Variants in WDR7 observed in about 807,000 individuals in gnomAD.
WDR7 encodes the protein WD repeat domain 7.
A neutral mutation model predicts 169.4 loss-of-function variants in WDR7; 46 were observed. The ratio of observed to expected loss-of-function variants is 0.27; its 90% CI spans 0.21 to 0.35. The LOEUF (loss-of-function observed/expected upper bound fraction) is 0.35. Among genes scored for constraint, WDR7 ranks in the 10% least tolerant of loss-of-function variants. The pLI, the probability that WDR7 is intolerant of heterozygous loss-of-function variation, is 1.00. For synonymous variants in WDR7, 612 were observed against 666.8 expected (o/e 0.92, Z 1.27); for missense variants, 1,534 against 1,859.3 (o/e 0.83, Z 3.22).
chr18:56,976,942 T>G (rs2047575141), intron 26 of WDR7, among the ~76,000 whole-genome samples: 1 of 152,138 alleles, frequency 6.6e-6, no homozygotes, highest in Non-Finnish European at 1.5e-5. Flanking sequence ...CTGAGACAAG[T>G]CAACAGGAAA....
chr18:56,873,116 T>G (rs534235862), intron 20 of WDR7, among the ~76,000 whole-genome samples: 40 of 152,306 alleles, frequency 2.6e-4, no homozygotes, highest in African/African-American at 8.9e-4. Flanking sequence ...ACTCCTTTCC[T>G]TGTTCTTTTT....
Position 57,020,833 on chromosome 18 carries a change from A to G in WDR7, c.4253A>G (p.His1418Arg). 4 of 1,614,178 alleles carry G rather than the reference A, an allele frequency of 2.5e-6. No individual in the cohort carries two copies. The highest frequency in any genetic ancestry group is 2.5e-6 in the Non-Finnish European group (3 of 1,180,012). Reference protein sequence around the residue: ...YLATYSNTDSHISFWQMNTSL... With the variant: ...YLATYSNTDSRISFWQMNTSL... Reference sequence around the variant, plus strand: ...GCCACCTACTCAAACACTGACAGCCACATTTCTTTTTGGCAGGTAAGAGTA... The same window carrying G: ...GCCACCTACTCAAACACTGACAGCCGCATTTCTTTTTGGCAGGTAAGAGTA... The change falls in exon 27 of 28, where the codon CAC becomes CGC. Residue 1418 changes from histidine to arginine, a missense_variant. His to Arg is a conservative substitution (Grantham distance 29). Coordinates refer to ENST00000254442, the MANE Select transcript of WDR7 (RefSeq NM_015285.3).
rs951302714 is a variant in WDR7, at chr18:56,651,592, A to G, written c.-20+16A>G. The G allele has an allele frequency of 6.6e-6, 1 of 152,410 alleles. No individual in the cohort carries two copies. Among genetic ancestry groups the G allele is most frequent in the African/African-American group, 2.4e-5 (1 of 41,452 alleles). The allele number at this position is 152,410 out of a possible 1,614,324, so 9.4% of individuals were successfully genotyped here. A position where few individuals can be genotyped will look rare whatever the true frequency, so the allele number is the denominator to read the frequency against. ...GCTGTGACAGGTAAGGGGGCTTTCA[A>G]GCTTCTCCATGGGAAACCACAGGGC... On this transcript the variant is annotated intron_variant, in intron 1 of 27. Coordinates refer to ENST00000254442, the MANE Select transcript of WDR7 (RefSeq NM_015285.3).
chr18:56,967,800 T>C (rs1204126506), intron 26 of WDR7, among the ~76,000 whole-genome samples: 2 of 152,170 alleles, frequency 1.3e-5, no homozygotes, highest in Admixed American at 1.3e-4. Context: ...TGGTGAGGCA[T>C]TTACATTTAA....
At chr18:57,014,343 AAAAG>A (rs2048178383) in intron 26 of WDR7, among the ~76,000 whole-genome samples, 1 of 149,718 alleles carries the variant, frequency 6.7e-6, no homozygotes, top group Non-Finnish European at 1.5e-5. Flanking sequence ...AAAAAAAAAA[AAAAG>A]AAGAAAAGGA....
rs183345204 is a variant in WDR7, at chr18:56,885,638, G to A, written c.3526+5473G>A. On this transcript the variant is annotated intron_variant, in intron 21 of 27. Coordinates refer to ENST00000254442, the MANE Select transcript of WDR7 (RefSeq NM_015285.3). ...AGATCAAGACCATCCTAGCTAACAC[G>A]GTGAAACCCTGTCTCTACTAAAAAA... Among the ~76,000 whole-genome samples, 395 of 141,988 alleles carry A rather than the reference G, an allele frequency of 2.8e-3. 4 individuals are homozygous for A. Among genetic ancestry groups the A allele is most frequent in the African/African-American group, 9.9e-3 (384 of 38,974 alleles). The allele number at this position is 141,988 out of a possible 152,430, so 93.1% of individuals were successfully genotyped here.
intron 14 of WDR7, among the ~76,000 whole-genome samples, chr18:56,744,785 C>A (rs1010159961): frequency 2.0e-5 from 3 of 152,164 alleles, no homozygotes; most frequent in Admixed American, 6.5e-5. Flanking sequence ...AGATGGTTCC[C>A]ACCTACAGGT....
chr18:56,938,570 C>T lies in WDR7; in HGVS notation c.3869C>T (p.Ser1290Leu). The change falls in exon 24 of 28, where the codon TCA becomes TTA. Residue 1290 changes from serine (S) to leucine (L), a missense_variant. Ser to Leu is a moderately radical substitution (Grantham distance 145). Transcript: ENST00000254442. ...RHTALAANTQ[S>L]QQNMHTTTLA... The stretch of plus-strand genomic sequence containing the variant: ...ACGGCTCTTGCAGCAAATACCCAAT[C>T]ACAGCAGAATATGCACACAACAACT... The T allele has an allele frequency of 6.2e-7, 1 of 1,613,874 alleles. No homozygotes were observed. Among genetic ancestry groups the T allele is most frequent in the Admixed American group, 1.7e-5 (1 of 60,008 alleles).
At chr18:56,824,346 C>T (rs1324482400) in intron 20 of WDR7, among the ~76,000 whole-genome samples, 1 of 152,152 alleles carries the variant, frequency 6.6e-6, no homozygotes, top group African/African-American at 2.4e-5. Flanking sequence ...GCAATAATGA[C>T]ATCTGTAATT....
chr18:56,864,976 A>G (rs2045860953), intron 20 of WDR7, among the ~76,000 whole-genome samples: 1 of 152,006 alleles, frequency 6.6e-6, no homozygotes, highest in South Asian at 2.1e-4. Flanking sequence ...ATGTTATCCA[A>G]ACAAGACCGA....
intron 21 of WDR7, among the ~76,000 whole-genome samples, chr18:56,907,703 ACT>A (rs1334225703): frequency 1.3e-5 from 2 of 151,906 alleles, no homozygotes; most frequent in Non-Finnish European, 2.9e-5. Flanking sequence ...CAAGGTAAAG[ACT>A]CTAGTGGATT....
chr18:56,840,216 A>C (rs2045461227), intron 20 of WDR7, among the ~76,000 whole-genome samples: 1 of 152,178 alleles, frequency 6.6e-6, no homozygotes, highest in Admixed American at 6.6e-5. Flanking sequence ...TTTTGAGAAG[A>C]GTGAGCCATC....
At chr18:56,912,677 T>C (rs1276242372) in intron 21 of WDR7, among the ~76,000 whole-genome samples, 1 of 152,138 alleles carries the variant, frequency 6.6e-6, no homozygotes, top group Non-Finnish European at 1.5e-5. Context: ...TAATTCCAAC[T>C]ATGTTAAACC....
chr18:56,907,489 CTT>C (rs1323280869), intron 21 of WDR7, among the ~76,000 whole-genome samples: 2 of 152,126 alleles, frequency 1.3e-5, no homozygotes, highest in Non-Finnish European at 2.9e-5. Context: ...ATAATAACCT[CTT>C]TGAGGTTTGA....
At chr18:56,838,448 G>A (rs1176562018) in intron 20 of WDR7, among the ~76,000 whole-genome samples, 1 of 152,178 alleles carries the variant, frequency 6.6e-6, no homozygotes, top group Non-Finnish European at 1.5e-5. Context: ...GACATCTGCT[G>A]ATAGAGTATG....
chr18:56,841,270 G>A (rs185092728), intron 20 of WDR7, among the ~76,000 whole-genome samples: 52 of 151,736 alleles, frequency 3.4e-4, no homozygotes, highest in Middle Eastern at 7.0e-3. Flanking sequence ...GGCTGGGCGC[G>A]GTGGCCCACA....
intron 26 of WDR7, among the ~76,000 whole-genome samples, chr18:56,967,247 G>A (rs536920113): frequency 5.3e-5 from 8 of 151,582 alleles, no homozygotes; most frequent in Non-Finnish European, 1.2e-4. Context: ...TCTGCAGGCT[G>A]TTCTTGCCTG....
intron 20 of WDR7, among the ~76,000 whole-genome samples, chr18:56,848,234 G>GA (rs2045594178): frequency 6.6e-6 from 1 of 152,228 alleles, no homozygotes; most frequent in Non-Finnish European, 1.5e-5. Context: ...TGACTGTTCT[G>GA]CTGGGTTTCA....
chr18:56,914,292 A>G (rs1031223488), intron 21 of WDR7, among the ~76,000 whole-genome samples: 2 of 152,152 alleles, frequency 1.3e-5, no homozygotes, highest in Non-Finnish European at 2.9e-5. Context: ...GTCACTTTCT[A>G]GGATCTTACC....
Sources: allele counts gnomAD v4.1 joint callset (sites outside exome capture counted in the v4.1 genomes callset), GRCh38; gene constraint gnomAD v4.1.1; transcripts MANE v1.5; gene names NCBI Gene and HGNC (gene_info 2026-07-23, HGNC 2026-07-21).